LCMT1: variants seen among roughly 807,000 people sequenced by gnomAD.
LCMT1 encodes leucine carboxyl methyltransferase 1.
A neutral mutation model predicts 47.7 loss-of-function variants in LCMT1; 32 were observed. The observed-to-expected ratio is 0.67, with a 90% CI of 0.51 to 0.90. LCMT1 has a LOEUF of 0.90. LCMT1 is among the 40% of genes least tolerant of loss of function. The pLI is 0.00. For synonymous variants in LCMT1, 152 were observed against 149.7 expected (o/e 1.02, Z -0.11); for missense variants, 375 against 415.2 (o/e 0.90, Z 0.84).
chr16:25,175,415 G>T (rs959637487), intron 10 of LCMT1, among the ~76,000 whole-genome samples: 2 of 151,676 alleles, frequency 1.3e-5, no homozygotes, highest in African/African-American at 2.4e-5. Flanking sequence ...CTTGAGGTCA[G>T]GAGTTTGAGA....
At chr16:25,170,854 A>T in intron 9 of LCMT1, 49 bp downstream of exon 9, 1 of 1,174,872 alleles carries the variant, frequency 8.5e-7, no homozygotes, top group East Asian at 2.4e-5. Flanking sequence ...TGTGAACTCA[A>T]GGCATGATTG....
At chr16:25,132,782 T>C (rs1960391117) in intron 3 of LCMT1, among the ~76,000 whole-genome samples, 1 of 151,786 alleles carries the variant, frequency 6.6e-6, no homozygotes, top group South Asian at 2.1e-4. Flanking sequence ...TCCCTCAGTA[T>C]GAGTAGAAAT....
At position 25,178,167 on chromosome 16, in the gene LCMT1, A is replaced by G. The variant is rs1240313108; in HGVS notation, c.*144A>G. On this transcript the variant is annotated 3_prime_UTR_variant, in exon 11 of 11. Transcript: ENST00000399069. ...AAGCCTTGGTCACTACAGTGGTCGC[A>G]CATGTTCCTCTTCCTGTTCCTGTTG... The G allele has an allele frequency of 2.9e-6, 2 of 682,650 alleles. No individual in the cohort carries two copies. Among genetic ancestry groups the G allele is most frequent in the South Asian group, 3.6e-5 (2 of 55,196 alleles). 42.3% of individuals were successfully genotyped at this position (682,650 alleles called of 1,614,324 possible).
intron 9 of LCMT1, among the ~76,000 whole-genome samples, chr16:25,171,518 A>G (rs1961771905): frequency 6.6e-6 from 1 of 152,238 alleles, no homozygotes; most frequent in African/African-American, 2.4e-5. Context: ...AAAGTAACTC[A>G]TTAGCTATTA....
At chr16:25,132,208 T>C in intron 2 of LCMT1, 194 bp from the exon 3 acceptor site, 1 of 589,616 alleles carries the variant, frequency 1.7e-6, no homozygotes. Flanking sequence ...ATACTTACCT[T>C]GGTTCAGATG....
At position 25,132,404 on chromosome 16, in the gene LCMT1, T is replaced by C. The variant is rs1183422647; in HGVS notation, c.208T>C (p.Tyr70His). ...ERKAPEINRG[Y>H]FARVHGVSQL... is the part of the protein sequence containing the mutation. Reference sequence around the variant, plus strand: ...TCTGTGCCTCCCCTCCCCCCTAGGATATTTTGCTCGAGTCCATGGTGTCAG... The same window carrying C: ...TCTGTGCCTCCCCTCCCCCCTAGGACATTTTGCTCGAGTCCATGGTGTCAG... Residue 70 changes from tyrosine (Y) to histidine (H), a missense_variant and splice_region_variant, in exon 3 of 11, where the codon TAT (tyrosine) becomes CAT (histidine). Transcript: ENST00000399069. 6.2e-7 allele frequency: 1 copy of C among 1,613,474 alleles called. No homozygotes were observed. Among genetic ancestry groups the C allele is most frequent in the South Asian group, 1.1e-5 (1 of 91,064 alleles).
rs759478745 is a variant in LCMT1 at position 25,169,217 on chromosome 16, A to G, written c.792+4A>G. ...CTGCAAGTCATTAGAGTCACAGGTC[A>G]GAGAGCAGGGACTGGGATATCCATT... On this transcript the variant is annotated splice_donor_region_variant and intron_variant, in intron 8 of 10. Coordinates refer to ENST00000399069, the MANE Select transcript of LCMT1 (RefSeq NM_016309.3). The G allele has an allele frequency of 6.3e-7, 1 of 1,577,842 alleles. No homozygotes were observed. The highest frequency in any genetic ancestry group is 8.7e-7 in the Non-Finnish European group (1 of 1,147,208).
Position 25,133,385 on chromosome 16 carries a change from G to GTTTTTTT in LCMT1, c.327+886_327+892dup, listed in dbSNP as rs1177872054. 2.5e-4 allele frequency among the ~76,000 whole-genome samples: 13 copies of GTTTTTTT among 52,620 alleles called. 1 individual carries two copies. The highest frequency in any genetic ancestry group is 3.5e-4 in the Admixed American group (1 of 2,864). 34.5% of individuals were successfully genotyped at this position (52,620 alleles called of 152,430 possible). On this transcript the variant is annotated intron_variant, in intron 3 of 10. Transcript: ENST00000399069. The stretch of plus-strand genomic sequence containing the variant: ...TGTGGTCTTTGGCTCCTGGGCTTAG[G>GTTTTTTT]TTTTTTTTTTTTTTTTTTTTTTTTT...
intron 1 of LCMT1, among the ~76,000 whole-genome samples, chr16:25,121,010 C>T (rs534394295): frequency 1.3e-5 from 2 of 150,892 alleles, no homozygotes; most frequent in East Asian, 2.0e-4. Flanking sequence ...ATCCTCCCAC[C>T]TTGGCCTCCC....
chr16:25,121,910 A>T (rs1197430004), intron 1 of LCMT1, among the ~76,000 whole-genome samples: 1 of 151,318 alleles, frequency 6.6e-6, no homozygotes, highest in Non-Finnish European at 1.5e-5. Context: ...TTTCACAGAG[A>T]TCTGCCTCAT....
At chr16:25,112,323 CGATG>C (rs1164954009) in intron 1 of LCMT1, among the ~76,000 whole-genome samples, 2 of 152,132 alleles carry the variant, frequency 1.3e-5, no homozygotes, top group Non-Finnish European at 2.9e-5. Context: ...GCTCCAGCCT[CGATG>C]GGTTACGAGG....
chr16:25,147,597 G>A (rs277914), intron 4 of LCMT1: 34,596 of 152,024 alleles, frequency 0.23, 4,063 homozygotes, highest in East Asian at 0.34. Flanking sequence ...TTAAAACTAG[G>A]AGATCCACTT....
At chr16:25,151,691 T>TG (rs879459330) in intron 5 of LCMT1, 76 bp downstream of exon 5, 7,522 of 638,346 alleles carry the variant, frequency 0.012, 72 homozygotes, top group Non-Finnish European at 0.015. Flanking sequence ...ATGGGGTTTG[T>TG]GTTGGGTGTG....
chr16:25,168,528 A>C (rs1961654740), intron 7 of LCMT1, among the ~76,000 whole-genome samples: 1 of 152,136 alleles, frequency 6.6e-6, no homozygotes, highest in African/African-American at 2.4e-5. Context: ...GGAAAAGTAA[A>C]TCTCTCTCCT....
At chr16:25,175,696 GCTGGGATTACAGGCATGAGCCACTGTGC>G (rs1233201925) in intron 10 of LCMT1, among the ~76,000 whole-genome samples, 2 of 152,124 alleles carry the variant, frequency 1.3e-5, no homozygotes. Flanking sequence ...TTCCCAAAGT[GCTGGGATTACAGGCATGAGCCACTGTGC>G]CTGGCCGGAA....
At chr16:25,166,613 G>A (rs1269702392) in intron 7 of LCMT1, among the ~76,000 whole-genome samples, 1 of 152,082 alleles carries the variant, frequency 6.6e-6, no homozygotes, top group African/African-American at 2.4e-5. Flanking sequence ...ATGTTGCCCA[G>A]GTTGGTCAGT....
chr16:25,118,460 A>G (rs1031920364), intron 1 of LCMT1, among the ~76,000 whole-genome samples: 1 of 152,160 alleles, frequency 6.6e-6, no homozygotes, highest in Admixed American at 6.5e-5. Flanking sequence ...GTGCTGTCCT[A>G]GACCCTGCCA....
At chr16:25,175,518 G>C (rs929055780) in intron 10 of LCMT1, among the ~76,000 whole-genome samples, 1 of 151,704 alleles carries the variant, frequency 6.6e-6, no homozygotes, top group Non-Finnish European at 1.5e-5. Context: ...TGTAATCCCA[G>C]CTACTTGGGA....
chr16:25,131,900 C>T (rs191999729), intron 2 of LCMT1, among the ~76,000 whole-genome samples: 7 of 152,146 alleles, frequency 4.6e-5, no homozygotes, highest in East Asian at 3.8e-4. Flanking sequence ...GTCTTCTCTG[C>T]GACCCCCATT....
Sources: gnomAD v4.1 joint callset for allele counts (sites outside exome capture counted in the v4.1 genomes callset) on GRCh38, gnomAD v4.1.1 for gene constraint, MANE v1.5 for transcripts, NCBI Gene and HGNC (gene_info 2026-07-23, HGNC 2026-07-21) for gene names.